ANO1: variants seen among roughly 807,000 people sequenced by gnomAD.
ANO1 encodes anoctamin 1.
ANO1 carries 59 observed loss-of-function variants against 124.0 expected under a neutral mutation model. The observed-to-expected ratio is 0.48, with a 90% CI of 0.39 to 0.59. ANO1 has a LOEUF of 0.59. Among genes scored for constraint, ANO1 ranks in the 20% least tolerant of loss-of-function variants. The pLI, the probability that ANO1 is intolerant of heterozygous loss-of-function variation, is 0.00. For synonymous variants in ANO1, 529 were observed against 532.0 expected, an observed-to-expected ratio of 0.99 and a Z score of 0.08; for missense variants, 1,059 against 1,328.0, an observed-to-expected ratio of 0.80 and a Z score of 3.15.
At chr11:70,125,694 A>G (rs999738340) in intron 9 of ANO1, among the ~76,000 whole-genome samples, 2 of 149,198 alleles carry the variant, frequency 1.3e-5, no homozygotes, top group African/African-American at 4.9e-5. Flanking sequence ...AATACAAAAA[A>G]TTAGCCGGGC....
chr11:70,165,615 C>CGGA, intron 20 of ANO1, 45 bp downstream of exon 20: 1 of 1,519,496 alleles, frequency 6.6e-7, no homozygotes, highest in Non-Finnish European at 9.0e-7. Context: ...CGGGGCCAGG[C>CGGA]GGAGGGGTGT....
At chr11:70,151,836 T>C (rs2047613735) in intron 12 of ANO1, among the ~76,000 whole-genome samples, 2 of 152,198 alleles carry the variant, frequency 1.3e-5, no homozygotes, top group Admixed American at 6.5e-5. Flanking sequence ...ATGTGACCCA[T>C]GTGTGCCTTA....
intron 11 of ANO1, among the ~76,000 whole-genome samples, chr11:70,133,042 G>C (rs1300166916): frequency 1.3e-5 from 2 of 152,066 alleles, no homozygotes; most frequent in Non-Finnish European, 2.9e-5. Flanking sequence ...CAGGTGTAGA[G>C]ACAGAGGGGC....
chr11:70,187,681 A>G (rs1480654839), intron 25 of ANO1, 57 bp from the exon 26 acceptor site: 1 of 1,549,206 alleles, frequency 6.5e-7, no homozygotes, highest in Non-Finnish European at 8.7e-7. Context: ...CAGAGAGGTC[A>G]GGAGCACTTC....
intron 11 of ANO1, among the ~76,000 whole-genome samples, chr11:70,144,490 C>T (rs910117756): frequency 1.3e-5 from 2 of 152,234 alleles, no homozygotes; most frequent in East Asian, 3.9e-4. Context: ...TGCCCATGCT[C>T]ACCCTGATGA....
chr11:70,100,327 A>G (rs558943641), intron 2 of ANO1, among the ~76,000 whole-genome samples: 3 of 152,340 alleles, frequency 2.0e-5, no homozygotes, highest in Non-Finnish European at 4.4e-5. Context: ...GAGGGAATGA[A>G]GTTAAACATC....
intron 1 of ANO1, among the ~76,000 whole-genome samples, chr11:69,991,175 A>T (rs371234193): frequency 6.6e-6 from 1 of 152,210 alleles, no homozygotes; most frequent in East Asian, 1.9e-4. Flanking sequence ...ATTCCTCTGC[A>T]TGTGAATATC....
chr11:70,052,644 C>A (rs1270633295), intron 1 of ANO1, among the ~76,000 whole-genome samples: 1 of 144,572 alleles, frequency 6.9e-6, no homozygotes, highest in Non-Finnish European at 1.5e-5. Flanking sequence ...CCTCTGCCTC[C>A]CAGGTTCAAG....
Position 70,167,228 on chromosome 11 carries a change from G to A in ANO1, c.2052-14G>A, listed in dbSNP as rs766801817. 3 of 1,613,768 alleles carry A rather than the reference G, an allele frequency of 1.9e-6. No individual in the cohort carries two copies. Among genetic ancestry groups the A allele is most frequent in the Non-Finnish European group, 2.5e-6 (3 of 1,179,784 alleles). ...CCTCCTGCAAACCTAACTGCATGAT[G>A]TCTCATCTCTCAGGAAGATGAAGAA... On this transcript the variant is annotated splice_polypyrimidine_tract_variant and intron_variant, in intron 20 of 25. Coordinates refer to ENST00000355303, the MANE Select transcript of ANO1 (RefSeq NM_018043.7).
At chr11:70,131,570 C>T (rs572410329) in intron 10 of ANO1, among the ~76,000 whole-genome samples, 42 of 152,324 alleles carry the variant, frequency 2.8e-4, no homozygotes, top group African/African-American at 9.1e-4. Flanking sequence ...TCAGGTGATC[C>T]GCCCGCCTTG....
upstream of ANO1, among the ~76,000 whole-genome samples, chr11:70,073,691 G>C (rs1233982132): frequency 6.6e-6 from 1 of 152,120 alleles, no homozygotes; most frequent in African/African-American, 2.4e-5. Flanking sequence ...GCCTAGCCAG[G>C]CTCTCAGCTA....
rs2049231166 is a variant in ANO1 at position 70,188,451 on chromosome 11, A to G, written c.*447A>G. 6.3e-6 allele frequency: 1 copy of G among 158,866 alleles called. No individual in the cohort carries two copies. The highest frequency in any genetic ancestry group is 2.4e-5 in the African/African-American group (1 of 41,672). The allele number at this position is 158,866 out of a possible 1,614,324, so 9.8% of individuals were successfully genotyped here. A position where few individuals can be genotyped will look rare whatever the true frequency, so the allele number is the denominator to read the frequency against. ...GTGCGATGCTTCAGGGAAAATGGAAAACCCACGCAAGAATAATGATTGATT... is the reference window on the plus strand; with the variant it reads ...GTGCGATGCTTCAGGGAAAATGGAAGACCCACGCAAGAATAATGATTGATT... On this transcript the variant is annotated 3_prime_UTR_variant, in exon 26 of 26. Transcript: ENST00000355303.
rs183835974 is a variant in ANO1, at chr11:70,005,342, A to G, written c.58+19176A>G. 6.6e-4 allele frequency among the ~76,000 whole-genome samples: 100 copies of G among 152,256 alleles called. No individual in the cohort carries two copies. The East Asian group carries it at 0.019, about 29-fold the overall frequency. On this transcript the variant is annotated intron_variant, in intron 1 of 27. Coordinates refer to the ANO1 transcript ENST00000531349. The stretch of plus-strand genomic sequence containing the variant: ...ACATGGCAGAAGTCACACAGCCCAA[A>G]CTGATATATCAGAGCATAAGGCTTT...
Position 70,105,802 on chromosome 11 carries a change from G to A in ANO1, c.747+14G>A, listed in dbSNP as rs763811879. The A allele has an allele frequency of 4.5e-5, 73 of 1,611,712 alleles. No homozygotes were observed. The highest frequency in any genetic ancestry group is 1.5e-4 in the Admixed American group (9 of 59,954). On this transcript the variant is annotated intron_variant, in intron 5 of 25. Coordinates refer to ENST00000355303, the MANE Select transcript of ANO1 (RefSeq NM_018043.7). ...CGGAGCACGATTGTAAGTATCGCACGCGCCTGGAAACGGCTCACTGGCAAG... is the reference window on the plus strand; with the variant it reads ...CGGAGCACGATTGTAAGTATCGCACACGCCTGGAAACGGCTCACTGGCAAG...
At chr11:69,966,818 G>A in the ANO1 span, among the ~76,000 whole-genome samples, 1 of 152,204 alleles carries the variant, frequency 6.6e-6, no homozygotes, top group Non-Finnish European at 1.5e-5. Context: ...CCAGTTGATT[G>A]AGGGCAAGAG....
the ANO1 span, among the ~76,000 whole-genome samples, chr11:69,973,878 A>T: frequency 2.6e-5 from 4 of 152,044 alleles, no homozygotes; most frequent in Non-Finnish European, 4.4e-5. Flanking sequence ...TCTAAAAAAA[A>T]AAAAAATTGG....
chr11:70,123,122 G>A (rs1372770750), intron 8 of ANO1, among the ~76,000 whole-genome samples: 2 of 152,292 alleles, frequency 1.3e-5, no homozygotes, highest in South Asian at 2.1e-4. Context: ...AGACAGGGAT[G>A]GGGGAAGGGG....
At chr11:70,138,957 G>T (rs919714654) in intron 11 of ANO1, among the ~76,000 whole-genome samples, 1 of 151,956 alleles carries the variant, frequency 6.6e-6, no homozygotes, top group Non-Finnish European at 1.5e-5. Context: ...AGTAGGCCTC[G>T]GTGTCTCCTG....
chr11:70,149,200 G>T (rs562730035), intron 11 of ANO1, among the ~76,000 whole-genome samples: 1 of 152,314 alleles, frequency 6.6e-6, no homozygotes, highest in South Asian at 2.1e-4. Flanking sequence ...GGTAACCTCG[G>T]TCGGGACTTG....
Sources: gnomAD v4.1 joint callset for allele counts (sites outside exome capture counted in the v4.1 genomes callset) on GRCh38, gnomAD v4.1.1 for gene constraint, MANE v1.5 for transcripts, NCBI Gene and HGNC (gene_info 2026-07-23, HGNC 2026-07-21) for gene names.